The following SPEF2 variants were observed in gnomAD, a reference collection of about 807,000 sequenced individuals.
The protein encoded by SPEF2 is sperm flagellar and cilia associated 2, also known as sperm flagella and cilia-associated protein 2.
SPEF2 carries 187 observed loss-of-function variants against 224.6 expected under a neutral mutation model. The ratio of observed to expected loss-of-function variants is 0.83; its 90% CI spans 0.74 to 0.94. SPEF2 has a LOEUF of 0.94. Ranked by LOEUF, SPEF2 falls within the 40% of genes least tolerant of loss-of-function variation. The pLI is 0.00. For missense variants in SPEF2, 2,170 were observed against 2,135.6 expected, an observed-to-expected ratio of 1.02 and a Z score of -0.32; for synonymous variants, 715 against 707.3, an observed-to-expected ratio of 1.01 and a Z score of -0.17.
intron 31 of SPEF2, among the ~76,000 whole-genome samples, chr5:35,792,653 T>C (rs1756127696): frequency 6.6e-6 from 1 of 152,222 alleles, no homozygotes; most frequent in South Asian, 2.1e-4. Context: ...TGATGATCTG[T>C]CAGTGAAATA....
chr5:35,800,363 A>T (rs894599949), intron 34 of SPEF2, among the ~76,000 whole-genome samples: 2 of 152,276 alleles, frequency 1.3e-5, no homozygotes, highest in Middle Eastern at 3.4e-3. Context: ...TAAAATCAAG[A>T]TTTATTCAAA....
chr5:35,783,523 A>G (rs975075458), intron 30 of SPEF2, among the ~76,000 whole-genome samples: 2 of 152,224 alleles, frequency 1.3e-5, no homozygotes, highest in African/African-American at 4.8e-5. Flanking sequence ...TTATATAATT[A>G]TAGTAATGTC....
chr5:35,677,548 G>T (rs1345148464), intron 10 of SPEF2, among the ~76,000 whole-genome samples: 2 of 152,178 alleles, frequency 1.3e-5, no homozygotes, highest in East Asian at 3.9e-4. Context: ...GCTTTGAAAA[G>T]CACTGGGCTG....
At chr5:35,758,546 C>G (rs1750767530) in intron 24 of SPEF2, among the ~76,000 whole-genome samples, 1 of 152,144 alleles carries the variant, frequency 6.6e-6, no homozygotes, top group African/African-American at 2.4e-5. Flanking sequence ...AAGGGAATGA[C>G]CGATGCTCAT....
At chr5:35,631,833 C>T (rs1288962907) in intron 2 of SPEF2, among the ~76,000 whole-genome samples, 1 of 152,146 alleles carries the variant, frequency 6.6e-6, no homozygotes, top group South Asian at 2.1e-4. Context: ...CTGAGTACTA[C>T]GTTGAATCCA....
chr5:35,729,475 A>G (rs1745255165), intron 21 of SPEF2, among the ~76,000 whole-genome samples: 1 of 152,214 alleles, frequency 6.6e-6, no homozygotes, highest in Non-Finnish European at 1.5e-5. Flanking sequence ...ACTTACGTAC[A>G]TTAGCCTCCC....
At chr5:35,641,892 A>G (rs1255137526) in intron 3 of SPEF2, 1 of 447,464 alleles carries the variant, frequency 2.2e-6, no homozygotes, top group Non-Finnish European at 3.9e-6. Context: ...CATATTGCCA[A>G]TAGCTTATCA....
chr5:35,643,410 T>C (rs1215602576), intron 3 of SPEF2: 9 of 449,562 alleles, frequency 2.0e-5, no homozygotes, highest in Admixed American at 9.6e-5. Context: ...GAGGGTAACA[T>C]AGATTATTCT....
chr5:35,627,553 C>T (rs1223203061), intron 1 of SPEF2, among the ~76,000 whole-genome samples: 1 of 152,042 alleles, frequency 6.6e-6, no homozygotes, highest in African/African-American at 2.4e-5. Context: ...GATCAGGCCA[C>T]TGCACTCAGA....
At chr5:35,761,963 C>T (rs887564999) in intron 25 of SPEF2, among the ~76,000 whole-genome samples, 1 of 152,154 alleles carries the variant, frequency 6.6e-6, no homozygotes, top group Non-Finnish European at 1.5e-5. Context: ...ACTAACCTAT[C>T]AACCTGTCAT....
intron 19 of SPEF2, among the ~76,000 whole-genome samples, chr5:35,711,058 C>T (rs1006731149): frequency 3.3e-5 from 5 of 152,148 alleles, no homozygotes; most frequent in Admixed American, 1.3e-4. Context: ...ACATTTATCA[C>T]AGGTTTTTAA....
At chr5:35,775,795 T>A (rs1053164664) in intron 28 of SPEF2, among the ~76,000 whole-genome samples, 72 of 151,948 alleles carry the variant, frequency 4.7e-4, no homozygotes, top group African/African-American at 1.7e-3. Flanking sequence ...ACTGGAAAAA[T>A]TTTGGAGATA....
chr5:35,790,271 G>C (rs57588520), intron 30 of SPEF2: 37,132 of 625,504 alleles, frequency 0.059, 1,229 homozygotes, highest in East Asian at 0.1. Flanking sequence ...TTGACCCTAG[G>C]AAAGCTATCC....
rs1386720327 is a variant in SPEF2 at position 35,697,796 on chromosome 5, A to G, written c.2141+3A>G. On this transcript the variant is annotated splice_donor_region_variant and intron_variant, in intron 15 of 36. Transcript: ENST00000356031. ...GACATCATAGTAAATGCTATTAAGT[A>G]TGTATTGCATTTTTCTTCCTCTCAT... 2 of 1,592,240 alleles carry G rather than the reference A, an allele frequency of 1.3e-6. No homozygotes were observed. Among genetic ancestry groups the G allele is most frequent in the African/African-American group, 2.7e-5 (2 of 74,384 alleles).
At chr5:35,771,784 CT>C (rs752007915) in intron 27 of SPEF2, 28 bp downstream of exon 27, 20 of 1,571,606 alleles carry the variant, frequency 1.3e-5, no homozygotes, top group Admixed American at 6.2e-5. Context: ...ACTCAGAACC[CT>C]GGATGCCTAA....
At chr5:35,709,191 A>G in intron 19 of SPEF2, 70 bp downstream of exon 19, 3 of 1,582,950 alleles carry the variant, frequency 1.9e-6, no homozygotes, top group South Asian at 1.2e-5. Flanking sequence ...ATTATAAATT[A>G]TAGTCTATCT....
At chr5:35,694,153 C>T in intron 12 of SPEF2, 135 bp from the exon 13 acceptor site, 1 of 675,762 alleles carries the variant, frequency 1.5e-6, no homozygotes, top group African/African-American at 1.8e-5. Context: ...CTTTAATCTC[C>T]TTTAAAATCA....
chr5:35,771,702 A>T lies in SPEF2; in HGVS notation c.3895A>T (p.Lys1299Ter). The change falls in exon 27 of 37, where the codon AAA becomes TAA. Residue 1299 changes from lysine (K) to a stop codon, truncating the protein, a stop_gained. Transcript: ENST00000356031. LOFTEE classifies it high-confidence loss of function. ...KEKSPQMGAN[K>*]KVKKEPPKKK... ...AAAATCTCCTCAGATGGGTGCAAAT[A>T]AAAAAGTCAAAAAGGAGCCACCCAA... 6.2e-7 allele frequency: 1 copy of T among 1,602,936 alleles called. No individual in the cohort carries two copies. The highest frequency in any genetic ancestry group is 8.5e-7 in the Non-Finnish European group (1 of 1,177,382).
chr5:35,708,351 C>A (rs1029267935), intron 18 of SPEF2, among the ~76,000 whole-genome samples: 6 of 151,988 alleles, frequency 3.9e-5, no homozygotes, highest in African/African-American at 1.5e-4. Flanking sequence ...TGCCCTTTAC[C>A]GTCTTTTTAC....
Sources: allele counts gnomAD v4.1 joint callset (sites outside exome capture counted in the v4.1 genomes callset), GRCh38; gene constraint gnomAD v4.1.1; transcripts MANE v1.5; gene names NCBI Gene and HGNC (gene_info 2026-07-23, HGNC 2026-07-21).